ZNG1B: variants seen among roughly 807,000 people sequenced by gnomAD.
The protein encoded by ZNG1B is zinc-regulated GTPase metalloprotein activator 1B.
the ZNG1B span, chr2:113,437,924 G>A: frequency 1.2e-6 from 2 of 1,612,044 alleles, no homozygotes; most frequent in East Asian, 2.2e-5. Flanking sequence ...GAGGAGGATT[G>A]TCCTGAATTG....
chr2:113,487,537 C>T, the ZNG1B span, among the ~76,000 whole-genome samples: 34 of 151,560 alleles, frequency 2.2e-4, no homozygotes, highest in East Asian at 6.6e-3. Flanking sequence ...TCCCAATTTT[C>T]GTCTCCCTCT....
the ZNG1B span, among the ~76,000 whole-genome samples, chr2:113,477,153 T>C: frequency 1.3e-5 from 2 of 152,186 alleles, no homozygotes; most frequent in Non-Finnish European, 2.9e-5. Context: ...CAGACTGCTG[T>C]GCTAGCAATC....
the ZNG1B span, among the ~76,000 whole-genome samples, chr2:113,464,812 CTATT>C: frequency 3.3e-5 from 5 of 151,640 alleles, no homozygotes; most frequent in Non-Finnish European, 7.4e-5. Context: ...GGATAACTGA[CTATT>C]TATGAATGAT....
At chr2:113,475,761 C>T in the ZNG1B span, among the ~76,000 whole-genome samples, 13 of 152,028 alleles carry the variant, frequency 8.6e-5, no homozygotes, top group Non-Finnish European at 1.2e-4. Context: ...CTTAGTTTGG[C>T]TGGATATGAA....
At chr2:113,463,452 C>T in the ZNG1B span, among the ~76,000 whole-genome samples, 1 of 152,078 alleles carries the variant, frequency 6.6e-6, no homozygotes, top group Non-Finnish European at 1.5e-5. Context: ...AGCTAAGGCT[C>T]ATTAGGAGAT....
chr2:113,462,746 T>C, the ZNG1B span: 1 of 519,434 alleles, frequency 1.9e-6, no homozygotes, highest in Non-Finnish European at 3.3e-6. Context: ...TCCATCTTTC[T>C]TTTCCTGTCT....
At chr2:113,441,410 G>C in the ZNG1B span, 1 of 1,604,670 alleles carries the variant, frequency 6.2e-7, no homozygotes, top group African/African-American at 1.3e-5. Flanking sequence ...TAAAAGAGTA[G>C]CGGTCATTTT....
the ZNG1B span, among the ~76,000 whole-genome samples, chr2:113,473,254 A>C: frequency 6.6e-6 from 1 of 151,340 alleles, no homozygotes; most frequent in African/African-American, 2.4e-5. Flanking sequence ...AGCAATTGTG[A>C]ATGGGAGTTC....
the ZNG1B span, among the ~76,000 whole-genome samples, chr2:113,477,019 G>A: frequency 6.6e-6 from 1 of 152,246 alleles, no homozygotes; most frequent in African/African-American, 2.4e-5. Flanking sequence ...AGGCAGGCAG[G>A]CTTCCTTGAG....
At chr2:113,441,076 TTG>T in the ZNG1B span, among the ~76,000 whole-genome samples, 1 of 151,804 alleles carries the variant, frequency 6.6e-6, no homozygotes, top group South Asian at 2.1e-4. Context: ...AAATAAAAGA[TTG>T]TGTGTAAATT....
At chr2:113,473,764 G>A in the ZNG1B span, among the ~76,000 whole-genome samples, 321 of 147,778 alleles carry the variant, frequency 2.2e-3, 1 homozygote, top group African/African-American at 7.8e-3. Context: ...TTTGTCTTTG[G>A]TTCTGTTTAT....
the ZNG1B span, among the ~76,000 whole-genome samples, chr2:113,478,126 A>G: frequency 3.5e-3 from 505 of 142,532 alleles, no homozygotes; most frequent in African/African-American, 0.013. Context: ...TGAATATCTC[A>G]TAAGTCTCGT....
the ZNG1B span, among the ~76,000 whole-genome samples, chr2:113,479,038 G>A: frequency 4.0e-5 from 6 of 151,834 alleles, no homozygotes; most frequent in Non-Finnish European, 8.8e-5. Flanking sequence ...AATTATAAGG[G>A]TATTTTCGGA....
chr2:113,475,337 G>A, the ZNG1B span, among the ~76,000 whole-genome samples: 1 of 152,122 alleles, frequency 6.6e-6, no homozygotes, highest in African/African-American at 2.4e-5. Flanking sequence ...TTTTCCATTT[G>A]CTTAGTAGAT....
At chr2:113,490,056 T>C in the ZNG1B span, among the ~76,000 whole-genome samples, 1 of 148,750 alleles carries the variant, frequency 6.7e-6, no homozygotes, top group East Asian at 2.0e-4. Flanking sequence ...AACCACAGAA[T>C]ATACGTTCTG....
chr2:113,440,835 T>A, the ZNG1B span, among the ~76,000 whole-genome samples: 35 of 145,018 alleles, frequency 2.4e-4, no homozygotes, highest in Middle Eastern at 3.4e-3. Context: ...TTCACAAGAC[T>A]ATTTTTTTTC....
chr2:113,443,159 G>A, the ZNG1B span, among the ~76,000 whole-genome samples: 2 of 151,974 alleles, frequency 1.3e-5, no homozygotes, highest in Non-Finnish European at 2.9e-5. Context: ...TAGTAGAGAT[G>A]AGGTTTCATT....
At chr2:113,454,316 C>A in the ZNG1B span, among the ~76,000 whole-genome samples, 1 of 152,050 alleles carries the variant, frequency 6.6e-6, no homozygotes, top group Non-Finnish European at 1.5e-5. Flanking sequence ...CTCATTCTTT[C>A]GGCAATAATT....
At chr2:113,492,258 C>T in the ZNG1B span, among the ~76,000 whole-genome samples, 3 of 139,624 alleles carry the variant, frequency 2.1e-5, 1 homozygote, top group South Asian at 2.4e-4. Flanking sequence ...TCAATCAATG[C>T]GTGGATAAAG....
Sources: allele counts gnomAD v4.1 joint callset (sites outside exome capture counted in the v4.1 genomes callset), GRCh38; gene constraint gnomAD v4.1.1; transcripts MANE v1.5; gene names NCBI Gene and HGNC (gene_info 2026-07-23, HGNC 2026-07-21).